The following BEND2 variants were observed in gnomAD, a reference collection of about 807,000 sequenced individuals.
The protein encoded by BEND2 is BEN domain containing 2.
Under a neutral mutation model 43.8 loss-of-function variants are expected in BEND2, and 19 were observed. The observed-to-expected ratio is 0.43, with a 90% CI of 0.30 to 0.64. The LOEUF is 0.64. BEND2 is among the 30% of genes least tolerant of loss of function. BEND2 has a pLI of 0.11. For synonymous variants in BEND2, 226 were observed against 210.1 expected, an observed-to-expected ratio of 1.08 and a Z score of -0.66; for missense variants, 544 against 574.0, an observed-to-expected ratio of 0.95 and a Z score of 0.53.
intron 7 of BEND2, among the ~76,000 whole-genome samples, chrX:18,191,957 T>A (rs1245789292): frequency 8.9e-6 from 1 of 112,310 alleles, no homozygotes; most frequent in Non-Finnish European, 1.9e-5. Flanking sequence ...TAACTGCATG[T>A]GTAGCTAAAT....
At chrX:18,183,929 G>T (rs1489161083) in intron 8 of BEND2, among the ~76,000 whole-genome samples, 1 of 111,735 alleles carries the variant, frequency 8.9e-6, no homozygotes, top group Non-Finnish European at 1.9e-5. Flanking sequence ...AAGGCTGGGG[G>T]GAACTCACCA....
intron 10 of BEND2, among the ~76,000 whole-genome samples, 191 bp downstream of exon 10, chrX:18,177,378 T>C (rs59628262): frequency 0.019 from 2,076 of 107,327 alleles, 52 homozygotes; most frequent in African/African-American, 0.067. Context: ...AATGGACAAG[T>C]TTTATTCTTT....
intron 7 of BEND2, among the ~76,000 whole-genome samples, chrX:18,191,753 T>G (rs1477855697): frequency 9.0e-6 from 1 of 111,698 alleles, no homozygotes; most frequent in Non-Finnish European, 1.9e-5. Flanking sequence ...CCTAAACATA[T>G]GATAAAAATT....
At position 18,175,846 on chromosome X, in the gene BEND2, C is replaced by T. The variant is rs773355654; in HGVS notation, c.1752+126G>A. 5.4e-5 allele frequency: 30 copies of T among 560,470 alleles called. No homozygotes were observed. In the Admixed American group the frequency reaches 5.6e-4, roughly 10 times the overall value. The allele number at this position is 560,470 out of a possible 1,213,427, so 46.2% of individuals were successfully genotyped here. A position where few individuals can be genotyped will look rare whatever the true frequency, so the allele number is the denominator to read the frequency against. On this transcript the variant is annotated intron_variant, in intron 11 of 13. Coordinates refer to ENST00000380033, the MANE Select transcript of BEND2 (RefSeq NM_153346.5). The stretch of plus-strand genomic sequence containing the variant: ...TGTGCTTTTGAAAGAACATCCCATG[C>T]CCCCTAAGTTAATGAGAATTTTAGC...
At chrX:18,210,620 T>C (rs1925474283) in intron 4 of BEND2, among the ~76,000 whole-genome samples, 1 of 112,400 alleles carries the variant, frequency 8.9e-6, no homozygotes, top group African/African-American at 3.2e-5. Context: ...AAGCAAGTAT[T>C]TCTAACCATG....
In BEND2 at chrX:18,174,041, C is replaced by G. The variant is rs750071004; in HGVS notation, c.1970G>C (p.Gly657Ala). 1.3e-5 allele frequency: 16 copies of G among 1,206,760 alleles called. No individual in the cohort carries two copies. The highest frequency in any genetic ancestry group is 1.8e-5 in the Non-Finnish European group (16 of 892,303). The part of the protein sequence containing the change: ...EPSTDNPEEP[G>A]EAWSYFGRPW... ...TTAAAAAAACTCACTCCATGCTTCA[C>G]CAGGTTCCTCTGGATTATCAGTGGA... The change falls in exon 12 of 14, where the codon GGT (glycine) becomes GCT (alanine). Residue 657 changes from glycine (G) to alanine (A), a missense_variant. Coordinates refer to ENST00000380033, the MANE Select transcript of BEND2 (RefSeq NM_153346.5).
rs963783748 is a variant in BEND2 at position 18,203,751 on chromosome X, C to A, written c.657G>T (p.Gln219His). The change falls in exon 5 of 14, where the codon CAG (glutamine) becomes CAT (histidine). Residue 219 changes from glutamine (Q) to histidine (H), a missense_variant. Coordinates refer to ENST00000380033, the MANE Select transcript of BEND2 (RefSeq NM_153346.5). The part of the protein sequence containing the change: ...PRIVSSSSLQ[Q>H]YVAQGGSFPC... ...GAAATGAGCCACCTTGTGCGACATA[C>A]TGCTGTAATGAACTTGAGGAGACAA... 3.3e-6 allele frequency: 4 copies of A among 1,210,113 alleles called. No individual in the cohort carries two copies. In the African/African-American group the frequency reaches 7.0e-5, roughly 21 times the overall value.
intron 2 of BEND2, 133 bp downstream of exon 2, chrX:18,216,388 G>T: frequency 1.8e-6 from 1 of 542,900 alleles, no homozygotes; most frequent in East Asian, 3.6e-5. Flanking sequence ...AGTAAACATT[G>T]TGGTATTACC....
At chrX:18,211,641 A>G (rs1450438526) in intron 4 of BEND2, among the ~76,000 whole-genome samples, 2 of 110,906 alleles carry the variant, frequency 1.8e-5, no homozygotes, top group African/African-American at 6.6e-5. Context: ...AAATTAGCCG[A>G]ATGTGGTGGC....
intron 7 of BEND2, among the ~76,000 whole-genome samples, 184 bp from the exon 8 acceptor site, chrX:18,191,292 A>C (rs1387990295): frequency 8.9e-6 from 1 of 111,810 alleles, no homozygotes; most frequent in African/African-American, 3.2e-5. Flanking sequence ...AGAACAACTA[A>C]AGGAGATCTT....
chrX:18,207,269 A>G (rs1925366633), intron 4 of BEND2, among the ~76,000 whole-genome samples: 1 of 112,195 alleles, frequency 8.9e-6, no homozygotes, highest in South Asian at 3.7e-4. Context: ...AACATTATAT[A>G]CGGTAAGAAA....
intron 4 of BEND2, among the ~76,000 whole-genome samples, chrX:18,206,581 C>T (rs967809766): frequency 1.5e-4 from 17 of 110,181 alleles, no homozygotes; most frequent in Non-Finnish European, 2.8e-4. Context: ...GAGGGACGCC[C>T]GATTGGGGGC....
At chrX:18,188,220 T>C (rs1450122143) in intron 8 of BEND2, among the ~76,000 whole-genome samples, 1 of 109,791 alleles carries the variant, frequency 9.1e-6, no homozygotes, top group African/African-American at 3.3e-5. Context: ...AAGAAAACAA[T>C]ACAAAAAATG....
rs760779359 is a variant in BEND2, at chrX:18,208,307, G to A, written c.492+4258C>T. On this transcript the variant is annotated intron_variant, in intron 4 of 13. Transcript: ENST00000380033. ...TTGAGATCATCCTGGCTAACACGGC[G>A]AAACCTTGTCTCTACTAAAAATACA... Among the ~76,000 whole-genome samples, 8 of 109,780 alleles carry A rather than the reference G, an allele frequency of 7.3e-5. No individual in the cohort carries two copies. In the East Asian group the frequency reaches 1.7e-3, roughly 24 times the overall value.
chrX:18,211,080 G>T (rs1925487616), intron 4 of BEND2, among the ~76,000 whole-genome samples: 1 of 111,389 alleles, frequency 9.0e-6, no homozygotes, highest in Admixed American at 9.6e-5. Flanking sequence ...ACAAAACCAT[G>T]ACACTGGGCA....
chrX:18,202,752 C>T (rs1420440835), intron 5 of BEND2, among the ~76,000 whole-genome samples: 1 of 111,959 alleles, frequency 8.9e-6, no homozygotes, highest in Non-Finnish European at 1.9e-5. Context: ...CCTAAACATG[C>T]AATTAATATA....
chrX:18,197,894 T>A (rs1269621073), intron 6 of BEND2, among the ~76,000 whole-genome samples: 1 of 111,003 alleles, frequency 9.0e-6, no homozygotes, highest in Middle Eastern at 4.3e-3. Flanking sequence ...TGATAGTGAA[T>A]AACTCTCATG....
At chrX:18,197,203 G>A (rs1924982754) in intron 6 of BEND2, among the ~76,000 whole-genome samples, 1 of 112,080 alleles carries the variant, frequency 8.9e-6, no homozygotes, top group African/African-American at 3.2e-5. Context: ...GGGAGGCCAA[G>A]GAGGGTAGAT....
chrX:18,201,407 A>C (rs1255487075), intron 6 of BEND2, among the ~76,000 whole-genome samples: 25 of 97,459 alleles, frequency 2.6e-4, no homozygotes, highest in African/African-American at 6.1e-4. Context: ...AAAAAAAAAA[A>C]AAAAAAAAAA....
Sources: gnomAD v4.1 joint callset for allele counts (sites outside exome capture counted in the v4.1 genomes callset) on GRCh38, gnomAD v4.1.1 for gene constraint, MANE v1.5 for transcripts, NCBI Gene and HGNC (gene_info 2026-07-23, HGNC 2026-07-21) for gene names.